GPC5: variants seen among roughly 807,000 people sequenced by gnomAD.
GPC5 encodes the protein glypican 5.
In GPC5, 47 loss-of-function variants were observed where a neutral mutation model predicts 53.9. The observed-to-expected ratio is 0.87, with a 90% CI of 0.69 to 1.11. GPC5 has a LOEUF of 1.11. Among genes scored for constraint, GPC5 ranks in the 50% most tolerant of loss-of-function variants. GPC5 has a pLI of 0.00. For missense variants in GPC5, 748 were observed against 713.1 expected (o/e 1.05, Z -0.56); for synonymous variants, 286 against 263.3 (o/e 1.09, Z -0.84).
chr13:91,496,770 T>C (rs1884289299), intron 2 of GPC5, among the ~76,000 whole-genome samples: 1 of 152,090 alleles, frequency 6.6e-6, no homozygotes, highest in Non-Finnish European at 1.5e-5. Context: ...CATTCAAAAA[T>C]AACTAAAAGA....
At chr13:92,385,487 C>CATAT (rs1566567682) in intron 7 of GPC5, among the ~76,000 whole-genome samples, 8 of 55,468 alleles carry the variant, frequency 1.4e-4, no homozygotes, top group African/African-American at 3.8e-4. Context: ...TACATATATA[C>CATAT]ACATATATAC....
chr13:92,525,450 G>GTA (rs1881239368), intron 7 of GPC5, among the ~76,000 whole-genome samples: 1 of 111,376 alleles, frequency 9.0e-6, no homozygotes, highest in Non-Finnish European at 2.2e-5. Context: ...GTGTGTGTGT[G>GTA]TGTGTGTGTG....
At chr13:91,802,926 G>A (rs746472464) in intron 5 of GPC5, among the ~76,000 whole-genome samples, 1 of 152,108 alleles carries the variant, frequency 6.6e-6, no homozygotes, top group Non-Finnish European at 1.5e-5. Context: ...TCTCTGACTG[G>A]ATTGTTACAA....
intron 7 of GPC5, among the ~76,000 whole-genome samples, chr13:92,621,234 C>T (rs778569646): frequency 1.3e-5 from 2 of 152,138 alleles, no homozygotes; most frequent in African/African-American, 2.4e-5. Context: ...ACCAACTCTG[C>T]CATTGGCCAT....
intron 7 of GPC5, among the ~76,000 whole-genome samples, chr13:92,775,813 G>T (rs1875783092): frequency 6.6e-6 from 1 of 152,102 alleles, no homozygotes; most frequent in Non-Finnish European, 1.5e-5. Flanking sequence ...ATTGACAACG[G>T]TCTTAAATCG....
intron 7 of GPC5, among the ~76,000 whole-genome samples, chr13:92,790,192 AC>A (rs1285036878): frequency 5.3e-5 from 8 of 152,036 alleles, no homozygotes; most frequent in Non-Finnish European, 8.8e-5. Context: ...CTTTGGCAAC[AC>A]CCTCACAGAC....
At chr13:91,703,267 A>G (rs575433890) in intron 3 of GPC5, among the ~76,000 whole-genome samples, 2 of 152,162 alleles carry the variant, frequency 1.3e-5, no homozygotes, top group Admixed American at 6.5e-5. Context: ...CTTAGAGGGA[A>G]AGGTTTCAAC....
chr13:92,801,028 A>AAG (rs892188304), intron 7 of GPC5, among the ~76,000 whole-genome samples: 1 of 147,486 alleles, frequency 6.8e-6, no homozygotes, highest in Non-Finnish European at 1.5e-5. Flanking sequence ...CTAAAAAAAG[A>AAG]AAAAAAAAAG....
chr13:92,700,953 G>GTGTT (rs1887717206), intron 7 of GPC5, among the ~76,000 whole-genome samples: 1 of 152,150 alleles, frequency 6.6e-6, no homozygotes, highest in South Asian at 2.1e-4. Flanking sequence ...TCTGGGTTTT[G>GTGTT]TGTTAGTTTC....
At chr13:91,699,110 A>G (rs2035943014) in intron 3 of GPC5, among the ~76,000 whole-genome samples, 1 of 152,216 alleles carries the variant, frequency 6.6e-6, no homozygotes, top group African/African-American at 2.4e-5. Flanking sequence ...TTTGAAATTA[A>G]TGTTGGATAT....
At chr13:92,299,659 C>A (rs1198997515) in intron 7 of GPC5, among the ~76,000 whole-genome samples, 2 of 151,980 alleles carry the variant, frequency 1.3e-5, no homozygotes, top group African/African-American at 2.4e-5. Context: ...TATAATTATT[C>A]CTGAAGCCCC....
chr13:92,602,797 A>T (rs1884123099), intron 7 of GPC5, among the ~76,000 whole-genome samples: 1 of 152,126 alleles, frequency 6.6e-6, no homozygotes, highest in Non-Finnish European at 1.5e-5. Context: ...AGACTTGATG[A>T]CTCACTAAAA....
intron 6 of GPC5, among the ~76,000 whole-genome samples, chr13:91,927,567 CT>C (rs34226554): frequency 1.5e-4 from 22 of 151,312 alleles, no homozygotes; most frequent in South Asian, 4.2e-4. Flanking sequence ...TCTGTAGCAA[CT>C]TTTTTTTTGT....
chr13:92,354,816 G>C (rs2043508993), intron 7 of GPC5, among the ~76,000 whole-genome samples: 1 of 152,116 alleles, frequency 6.6e-6, no homozygotes, highest in African/African-American at 2.4e-5. Flanking sequence ...GTCCTAGCCT[G>C]AAAATAGTCT....
At chr13:92,762,360 G>GT (rs1173735034) in intron 7 of GPC5, among the ~76,000 whole-genome samples, 1 of 152,006 alleles carries the variant, frequency 6.6e-6, no homozygotes, top group Non-Finnish European at 1.5e-5. Context: ...CTATAAGAAG[G>GT]TTTATGTAAG....
chr13:92,146,800 G>A lies in GPC5; in HGVS notation c.1561+1811G>A, dbSNP rs188610314. ...CCTGAGTTACTTCACTTGGAATAAC[G>A]GTCTCCAATTTCATCTAGGTTGCTG... On this transcript the variant is annotated intron_variant, in intron 7 of 7. Coordinates refer to ENST00000377067, the MANE Select transcript of GPC5 (RefSeq NM_004466.6). Among the ~76,000 whole-genome samples, 25 of 152,048 alleles carry A rather than the reference G, an allele frequency of 1.6e-4. No homozygotes were observed. In the East Asian group the frequency reaches 3.5e-3, roughly 21 times the overall value.
At chr13:91,456,636 G>A (rs1881575971) in intron 2 of GPC5, among the ~76,000 whole-genome samples, 1 of 151,884 alleles carries the variant, frequency 6.6e-6, no homozygotes, top group African/African-American at 2.4e-5. Flanking sequence ...TGTAATGTAA[G>A]CATTGTGTGG....
chr13:91,589,490 A>G (rs967868134), intron 2 of GPC5, among the ~76,000 whole-genome samples: 1 of 151,752 alleles, frequency 6.6e-6, no homozygotes, highest in Non-Finnish European at 1.5e-5. Flanking sequence ...CCTGACCATC[A>G]CCCTCTCTCT....
chr13:91,615,159 C>T (rs190782418), intron 2 of GPC5, among the ~76,000 whole-genome samples: 6 of 152,256 alleles, frequency 3.9e-5, no homozygotes, highest in Admixed American at 3.3e-4. Flanking sequence ...GATAAAGGTT[C>T]AGTACAGCCA....
Sources: gnomAD v4.1 joint callset for allele counts (sites outside exome capture counted in the v4.1 genomes callset) on GRCh38, gnomAD v4.1.1 for gene constraint, MANE v1.5 for transcripts, NCBI Gene and HGNC (gene_info 2026-07-23, HGNC 2026-07-21) for gene names.